SRSF12: variants seen among roughly 807,000 people sequenced by gnomAD.
SRSF12 encodes serine/arginine-rich splicing factor 12.
A neutral mutation model predicts 34.1 loss-of-function variants in SRSF12; 21 were observed. The ratio of observed to expected loss-of-function variants is 0.62; its 90% CI spans 0.44 to 0.89. SRSF12 has a LOEUF of 0.89. Ranked by LOEUF, SRSF12 falls within the 40% of genes least tolerant of loss-of-function variation. The pLI is 0.00. For missense variants in SRSF12, 278 were observed against 327.8 expected (o/e 0.85, Z 1.17); for synonymous variants, 111 against 110.8 (o/e 1.00, Z -0.01).
At chr6:89,111,768 T>C (rs77764168) in intron 1 of SRSF12, among the ~76,000 whole-genome samples, 6 of 152,328 alleles carry the variant, frequency 3.9e-5, no homozygotes, top group South Asian at 4.1e-4. Context: ...CTATGTTTTT[T>C]ATAGCTGACA....
At position 89,098,539 on chromosome 6, in the gene SRSF12, CTT is replaced by C; in HGVS notation, c.*37_*38del. On this transcript the variant is annotated 3_prime_UTR_variant, in exon 5 of 5. Transcript: ENST00000452027. ...ATTTAACATAATGAGAGTTTAATAA[CTT>C]ATATTAAAGACGGCGTGGTGCTCTT... 1.9e-6 allele frequency: 3 copies of C among 1,545,262 alleles called. No homozygotes were observed. The highest frequency in any genetic ancestry group is 1.3e-5 in the South Asian group (1 of 78,588).
chr6:89,111,936 G>A lies in SRSF12; in HGVS notation c.66-4678C>T, dbSNP rs532454464. On this transcript the variant is annotated intron_variant, in intron 1 of 4. Transcript: ENST00000452027. Reference sequence around the variant, plus strand: ...CATTAAAAAATTATTCCTTTATGCAGTACAAAAGCAAAGATATTATTTTTC... The same window carrying A: ...CATTAAAAAATTATTCCTTTATGCAATACAAAAGCAAAGATATTATTTTTC... Among the ~76,000 whole-genome samples, 9 of 152,232 alleles carry A rather than the reference G, an allele frequency of 5.9e-5. No individual in the cohort carries two copies. In the South Asian group the frequency reaches 1.9e-3, roughly 32 times the overall value.
chr6:89,110,541 C>G (rs773963755), intron 1 of SRSF12, among the ~76,000 whole-genome samples: 3 of 152,166 alleles, frequency 2.0e-5, no homozygotes, highest in African/African-American at 4.8e-5. Context: ...AGGAGGGGAC[C>G]AGTCAGAGGT....
chr6:89,102,202 G>A (rs1293726446), intron 4 of SRSF12, among the ~76,000 whole-genome samples: 31 of 152,072 alleles, frequency 2.0e-4, no homozygotes, highest in Admixed American at 2.0e-3. Flanking sequence ...GGAGTGCAGT[G>A]GGGCGAGCTT....
chr6:89,108,750 A>G (rs1264705536), intron 1 of SRSF12, among the ~76,000 whole-genome samples: 2 of 152,234 alleles, frequency 1.3e-5, no homozygotes, highest in Non-Finnish European at 2.9e-5. Flanking sequence ...TAGAACACTG[A>G]TAAGAGTTCT....
At chr6:89,113,276 C>T (rs913153476) in intron 1 of SRSF12, among the ~76,000 whole-genome samples, 2 of 152,092 alleles carry the variant, frequency 1.3e-5, no homozygotes, top group African/African-American at 2.4e-5. Flanking sequence ...CAGGTTCATG[C>T]GATTCTTCTG....
In SRSF12 at chr6:89,097,697, A is replaced by G; in HGVS notation, c.*881T>C. The G allele has an allele frequency of 6.6e-6, 1 of 152,192 alleles. No homozygotes were observed. The highest frequency in any genetic ancestry group is 1.9e-4 in the East Asian group (1 of 5,206). 9.4% of individuals were successfully genotyped at this position (152,192 alleles called of 1,614,324 possible). A position where few individuals can be genotyped will look rare whatever the true frequency, so the allele number is the denominator to read the frequency against. On this transcript the variant is annotated 3_prime_UTR_variant, in exon 5 of 5. Coordinates refer to ENST00000452027, the MANE Select transcript of SRSF12 (RefSeq NM_080743.5). ...TACTAAACACTCTTTCAAAAATAATAAGACTTGTTCCATATAAAGTTGAGC... is the reference window on the plus strand; with the variant it reads ...TACTAAACACTCTTTCAAAAATAATGAGACTTGTTCCATATAAAGTTGAGC...
intron 4 of SRSF12, among the ~76,000 whole-genome samples, chr6:89,103,892 C>T (rs1370375081): frequency 1.3e-5 from 2 of 152,028 alleles, no homozygotes; most frequent in Non-Finnish European, 2.9e-5. Context: ...TTCAATACTG[C>T]CATACTTGGA....
In SRSF12 at chr6:89,117,697, G is replaced by A. The variant is rs996263088; in HGVS notation, c.65+126C>T. 10 of 964,138 alleles carry A rather than the reference G, an allele frequency of 1.0e-5. No individual in the cohort carries two copies. In the Admixed American group the frequency reaches 1.7e-4, roughly 17 times the overall value. The allele number at this position is 964,138 out of a possible 1,614,324, so 59.7% of individuals were successfully genotyped here. Reference sequence around the variant, plus strand: ...GGCTCACACCTCCCCAAGTGGCGCAGCCTGGGCCCGCGGGGAGGCTCCGCG... The same window carrying A: ...GGCTCACACCTCCCCAAGTGGCGCAACCTGGGCCCGCGGGGAGGCTCCGCG... On this transcript the variant is annotated intron_variant, in intron 1 of 4. Coordinates refer to ENST00000452027, the MANE Select transcript of SRSF12 (RefSeq NM_080743.5).
rs199869891 is a variant in SRSF12, at chr6:89,103,524, TC to T, written c.416+1594del. Reference sequence around the variant, plus strand: ...TTGTATTTTTAGTAGACACGGGGTTTCGCCATGTTGGCCAGACTGGTCTCGA... The same window carrying T: ...TTGTATTTTTAGTAGACACGGGGTTTGCCATGTTGGCCAGACTGGTCTCGA... On this transcript the variant is annotated intron_variant, in intron 4 of 4. Coordinates refer to ENST00000452027, the MANE Select transcript of SRSF12 (RefSeq NM_080743.5). Among the ~76,000 whole-genome samples the T allele has an allele frequency of 7.9e-3, 1,200 of 152,290 alleles. 14 individuals are homozygous for T. Among genetic ancestry groups the T allele is most frequent in the African/African-American group, 0.028 (1,143 of 41,562 alleles).
At chr6:89,102,271 G>A (rs1197170480) in intron 4 of SRSF12, among the ~76,000 whole-genome samples, 3 of 151,970 alleles carry the variant, frequency 2.0e-5, no homozygotes, top group Non-Finnish European at 4.4e-5. Context: ...AACCTCCCAA[G>A]TAGCTGGGAT....
At chr6:89,111,307 T>C (rs910706150) in intron 1 of SRSF12, among the ~76,000 whole-genome samples, 1 of 152,226 alleles carries the variant, frequency 6.6e-6, no homozygotes, top group Admixed American at 6.5e-5. Context: ...GGTTTTGTTA[T>C]GCTAGCTTTT....
At chr6:89,110,132 A>G (rs1030324706) in intron 1 of SRSF12, among the ~76,000 whole-genome samples, 1 of 152,216 alleles carries the variant, frequency 6.6e-6, no homozygotes, top group African/African-American at 2.4e-5. Context: ...CATACTTGCC[A>G]TAATTTTCAG....
At chr6:89,107,568 A>G (rs570040935) in intron 1 of SRSF12, among the ~76,000 whole-genome samples, 1 of 152,102 alleles carries the variant, frequency 6.6e-6, no homozygotes, top group East Asian at 1.9e-4. Context: ...CGTCTCTACA[A>G]AAAAATACAA....
chr6:89,097,215 A>G lies in SRSF12; in HGVS notation c.*1363T>C, dbSNP rs1768310475. 6.6e-6 allele frequency: 1 copy of G among 152,230 alleles called. No individual in the cohort carries two copies. The highest frequency in any genetic ancestry group is 6.5e-5 in the Admixed American group (1 of 15,276). The allele number at this position is 152,230 out of a possible 1,614,324, so 9.4% of individuals were successfully genotyped here. ...TTTCTTAAACACTCTGGATACAAAT[A>G]CTAACTGTATGGATTGAGAACTTTG... is the stretch of plus-strand genomic sequence containing the variant. On this transcript the variant is annotated 3_prime_UTR_variant, in exon 5 of 5. Coordinates refer to ENST00000452027, the MANE Select transcript of SRSF12 (RefSeq NM_080743.5).
intron 4 of SRSF12, among the ~76,000 whole-genome samples, chr6:89,103,034 G>A (rs1336287163): frequency 6.6e-6 from 1 of 152,144 alleles, no homozygotes; most frequent in East Asian, 1.9e-4. Context: ...AGAGTGCTGG[G>A]ATCACAGGTG....
At chr6:89,110,281 T>A (rs1768983655) in intron 1 of SRSF12, among the ~76,000 whole-genome samples, 2 of 152,122 alleles carry the variant, frequency 1.3e-5, no homozygotes, top group Non-Finnish European at 2.9e-5. Context: ...AAAGCACAGA[T>A]TTATTGAAAT....
In SRSF12 at chr6:89,117,943, T is replaced by A; in HGVS notation, c.-56A>T. On this transcript the variant is annotated 5_prime_UTR_variant, in exon 1 of 5. Coordinates refer to ENST00000452027, the MANE Select transcript of SRSF12 (RefSeq NM_080743.5). Reference sequence around the variant, plus strand: ...CCGCGGCCGCTGGACTCGCTCCGTCTCCCGCTACCGCTGCTACCACCACAG... The same window carrying A: ...CCGCGGCCGCTGGACTCGCTCCGTCACCCGCTACCGCTGCTACCACCACAG... 6.6e-7 allele frequency: 1 copy of A among 1,510,466 alleles called. No homozygotes were observed. The highest frequency in any genetic ancestry group is 2.9e-5 in the East Asian group (1 of 34,978). The allele number at this position is 1,510,466 out of a possible 1,614,324, so 93.6% of individuals were successfully genotyped here.
rs772482745 is a variant in SRSF12, at chr6:89,107,216, T to C, written c.108A>G (p.Ile36Met). The change falls in exon 2 of 5, where the codon ATA becomes ATG. Residue 36 changes from isoleucine to methionine, a missense_variant. Ile to Met is a conservative substitution (Grantham distance 10). Transcript: ENST00000452027. ...AGTCAAGTGGAATGTAAACGTCTAC[T>C]ATAGGGCCATATCGACCAAACTCAC... Reference protein sequence around the residue: ...LRREFGRYGPIVDVYIPLDFY... With the variant: ...LRREFGRYGPMVDVYIPLDFY... The C allele has an allele frequency of 5.6e-6, 9 of 1,613,952 alleles. No homozygotes were observed. The highest frequency in any genetic ancestry group is 4.0e-5 in the African/African-American group (3 of 74,894).
Sources: gnomAD v4.1 joint callset for allele counts (sites outside exome capture counted in the v4.1 genomes callset) on GRCh38, gnomAD v4.1.1 for gene constraint, MANE v1.5 for transcripts, NCBI Gene and HGNC (gene_info 2026-07-23, HGNC 2026-07-21) for gene names.